The following SAG variants were observed in gnomAD, a reference collection of about 807,000 sequenced individuals.
SAG encodes S-arrestin.
SAG carries 45 observed loss-of-function variants against 55.0 expected under a neutral mutation model. The observed-to-expected ratio is 0.82, with a 90% CI of 0.64 to 1.05. The LOEUF is 1.05. SAG is among the 50% of genes least tolerant of loss of function. The pLI, the probability that SAG is intolerant of heterozygous loss-of-function variation, is 0.00. For missense variants in SAG, 455 were observed against 512.1 expected (o/e 0.89, Z 1.08); for synonymous variants, 189 against 197.4 (o/e 0.96, Z 0.36).
intron 12 of SAG, among the ~76,000 whole-genome samples, chr2:233,339,680 CTTT>C (rs960313292): frequency 4.0e-5 from 5 of 124,072 alleles, no homozygotes; most frequent in Admixed American, 1.6e-4. Context: ...TAGGGCTTGA[CTTT>C]TTTTTTTTGA....
At chr2:233,328,125 G>C (rs569100906) in intron 7 of SAG, 2 of 201,570 alleles carry the variant, frequency 9.9e-6, no homozygotes, top group Non-Finnish European at 2.0e-5. Flanking sequence ...AATGGAGCTC[G>C]CATGTATATG....
chr2:233,344,316 A>C (rs1701190644), intron 14 of SAG: 1 of 152,130 alleles, frequency 6.6e-6, no homozygotes, highest in Non-Finnish European at 1.5e-5. Context: ...GATTACTGGC[A>C]CGCGCCAGCA....
At chr2:233,320,919 A>G (rs1254839060) in intron 5 of SAG, 96 bp downstream of exon 5, 2 of 1,059,938 alleles carry the variant, frequency 1.9e-6, no homozygotes, top group African/African-American at 3.3e-5. Context: ...AGAACTTCAC[A>G]TCTGCAGGCC....
intron 9 of SAG, among the ~76,000 whole-genome samples, chr2:233,329,804 C>T (rs1282025036): frequency 6.6e-6 from 1 of 152,214 alleles, no homozygotes. Context: ...AACAAAATTC[C>T]TGGCAAGTGA....
rs1574960816 is a variant in SAG at position 233,347,033 on chromosome 2, A to G, written c.*121A>G. ...AAGGATGAGTCTTCTTCCGAGAAAT[A>G]AAGCTTGTTTGTTCTCCCCTGGGTC... On this transcript the variant is annotated 3_prime_UTR_variant, in exon 16 of 16. Coordinates refer to ENST00000409110, the MANE Select transcript of SAG (RefSeq NM_000541.5). The surrounding 1 kb of genome is among the most constrained non-coding windows in gnomAD (Gnocchi z 4.5). The G allele has an allele frequency of 4.7e-6, 3 of 644,832 alleles. No individual in the cohort carries two copies. Among genetic ancestry groups the G allele is most frequent in the Non-Finnish European group, 8.3e-6 (3 of 363,632 alleles). 39.9% of individuals were successfully genotyped at this position (644,832 alleles called of 1,614,324 possible).
chr2:233,323,753 A>C (rs1018321960), intron 6 of SAG, among the ~76,000 whole-genome samples: 1 of 152,232 alleles, frequency 6.6e-6, no homozygotes, highest in African/African-American at 2.4e-5. Flanking sequence ...CTATGAACCC[A>C]TCACTCATCT....
rs201747473 is a variant in SAG at position 233,331,624 on chromosome 2, C to T, written c.734-16C>T. On this transcript the variant is annotated splice_polypyrimidine_tract_variant and intron_variant, in intron 9 of 15. Coordinates refer to ENST00000409110, the MANE Select transcript of SAG (RefSeq NM_000541.5). ...GGACCAGTGCTGACCACCGGACTCC[C>T]GTCTTCCCCTTGCAGTGGAACAGGT... 1.2e-5 allele frequency: 19 copies of T among 1,599,106 alleles called. No homozygotes were observed. Among genetic ancestry groups the T allele is most frequent in the Admixed American group, 8.3e-5 (5 of 59,906 alleles).
rs994333706 is a variant in SAG at position 233,335,084 on chromosome 2, T to A, written c.929T>A (p.Leu310His). The A allele has an allele frequency of 3.7e-6, 6 of 1,613,542 alleles. No individual in the cohort carries two copies. The highest frequency in any genetic ancestry group is 5.1e-6 in the Non-Finnish European group (6 of 1,179,674). ...DGKIKHEDTN[L>H]ASSTIIKEGI... Reference sequence around the variant, plus strand: ...AAAATCAAGCACGAGGACACAAACCTTGCCTCCAGCACCATGTGAGTCCTC... The same window carrying A: ...AAAATCAAGCACGAGGACACAAACCATGCCTCCAGCACCATGTGAGTCCTC... Residue 310 changes from leucine (L) to histidine (H), a missense_variant, in exon 11 of 16, where the codon CTT becomes CAT. Transcript: ENST00000409110.
Position 233,335,016 on chromosome 2 carries a change from G to T in SAG, c.861G>T (p.Leu287Phe). Residue 287 changes from leucine (L) to phenylalanine (F), a missense_variant, in exon 11 of 16, where the codon TTG becomes TTT. Leu to Phe is a conservative substitution (Grantham distance 22). Coordinates refer to ENST00000409110, the MANE Select transcript of SAG (RefSeq NM_000541.5). ...TLTKTLTLLP[L>F]LANNRERRGI... ...CCAAGACGCTGACGCTGCTGCCCTT[G>T]CTGGCTAACAATCGAGAAAGGAGAG... 2 of 1,614,008 alleles carry T rather than the reference G, an allele frequency of 1.2e-6. No homozygotes were observed. The highest frequency in any genetic ancestry group is 1.7e-4 in the Middle Eastern group (1 of 6,060).
chr2:233,332,108 T>A (rs1452075323), intron 10 of SAG: 5 of 239,150 alleles, frequency 2.1e-5, no homozygotes, highest in Non-Finnish European at 4.2e-5. Flanking sequence ...TATCTTTTGA[T>A]CTCAAATTGA....
Position 233,309,329 on chromosome 2 carries a change from A to G in SAG, c.75+65A>G, listed in dbSNP as rs769170717. ...GTTTAAAAAAAATGGAGCTTTTTCA[A>G]GTACAGTGTAGTCATGATCAACATC... On this transcript the variant is annotated intron_variant, in intron 2 of 15. Transcript: ENST00000409110. The G allele has an allele frequency of 5.1e-6, 7 of 1,381,198 alleles. No homozygotes were observed. In the East Asian group the frequency reaches 1.7e-4, roughly 34 times the overall value. 85.6% of individuals were successfully genotyped at this position (1,381,198 alleles called of 1,614,324 possible). A position where few individuals can be genotyped will look rare whatever the true frequency, so the allele number is the denominator to read the frequency against.
At chr2:233,318,663 T>C (rs1700284154) in intron 3 of SAG, 88 bp from the exon 4 acceptor site, 1 of 1,108,982 alleles carries the variant, frequency 9.0e-7, no homozygotes, top group Non-Finnish European at 1.4e-6. Flanking sequence ...ATTACATGTG[T>C]AATTAAAAAC....
At chr2:233,333,211 C>G (rs1700822737) in intron 10 of SAG, 1 of 152,344 alleles carries the variant, frequency 6.6e-6, no homozygotes, top group Non-Finnish European at 1.5e-5. Flanking sequence ...CTCACTGCCT[C>G]CTTTCTGCCA....
intron 6 of SAG, among the ~76,000 whole-genome samples, chr2:233,325,018 G>A (rs188996070): frequency 3.9e-5 from 6 of 152,222 alleles, no homozygotes; most frequent in African/African-American, 1.4e-4. Flanking sequence ...CTGTGGTCAC[G>A]AGTTTGAGAC....
At chr2:233,313,607 A>G (rs980413031) in intron 2 of SAG, among the ~76,000 whole-genome samples, 1 of 151,656 alleles carries the variant, frequency 6.6e-6, no homozygotes, top group Non-Finnish European at 1.5e-5. Flanking sequence ...GTACAATGGT[A>G]CGATCGTAGC....
In SAG at chr2:233,319,576, G is replaced by A; in HGVS notation, c.181+781G>A. ...TGCCACTGGAATACGTCAGCTATGGGGCCATCAGCATTGAGGGGGCATGGC... is the reference window on the plus strand; with the variant it reads ...TGCCACTGGAATACGTCAGCTATGGAGCCATCAGCATTGAGGGGGCATGGC... On this transcript the variant is annotated intron_variant, in intron 4 of 15. Transcript: ENST00000409110. The surrounding 1 kb of genome is among the most constrained non-coding windows in gnomAD (Gnocchi z 4.4). 1.0e-6 allele frequency: 1 copy of A among 974,510 alleles called. No individual in the cohort carries two copies. The highest frequency in any genetic ancestry group is 1.2e-6 in the Non-Finnish European group (1 of 830,202). The allele number at this position is 974,510 out of a possible 1,614,324, so 60.4% of individuals were successfully genotyped here. A position where few individuals can be genotyped will look rare whatever the true frequency, so the allele number is the denominator to read the frequency against.
rs59676190 is a variant in SAG at position 233,320,769 on chromosome 2, G to C, written c.321G>C (p.Leu107=). Residue 107 remains leucine (L), a synonymous_variant, in exon 5 of 16, where the codon CTG becomes CTC. Transcript: ENST00000409110. ...PVGAASTPTK[L]QESLLKKLGS... is the part of the protein sequence containing the mutation. ...GGGCCGCGAGCACCCCCACAAAACTGCAAGAGAGCCTGCTTAAAAAGCTGG... is the reference window on the plus strand; with the variant it reads ...GGGCCGCGAGCACCCCCACAAAACTCCAAGAGAGCCTGCTTAAAAAGCTGG... 6.2e-3 allele frequency: 9,892 copies of C among 1,606,608 alleles called. 571 individuals carry two copies. In the African/African-American group the frequency reaches 0.12, roughly 19 times the overall value.
intron 2 of SAG, among the ~76,000 whole-genome samples, chr2:233,309,535 C>G (rs150586005): frequency 6.6e-6 from 1 of 152,148 alleles, no homozygotes; most frequent in Non-Finnish European, 1.5e-5. Flanking sequence ...TAATCCCAGA[C>G]TTGGGAGGCT....
chr2:233,328,310 T>G, intron 7 of SAG, 168 bp from the exon 8 acceptor site: 1 of 706,762 alleles, frequency 1.4e-6, no homozygotes. Flanking sequence ...TCTTCCACCG[T>G]CAGGGCTGCC....
Sources: gnomAD v4.1 joint callset for allele counts (sites outside exome capture counted in the v4.1 genomes callset) on GRCh38, gnomAD v4.1.1 for gene constraint, Gnocchi (gnomAD v3.1) non-coding constraint, MANE v1.5 for transcripts, NCBI Gene and HGNC (gene_info 2026-07-23, HGNC 2026-07-21) for gene names.